RHEB: variants seen among roughly 807,000 people sequenced by gnomAD.
RHEB encodes the protein GTP-binding protein Rheb.
RHEB carries 2 observed loss-of-function variants against 28.8 expected under a neutral mutation model. The ratio of observed to expected loss-of-function variants is 0.07; its 90% CI spans 0.03 to 0.22. RHEB has a LOEUF of 0.22. Among genes scored for constraint, RHEB ranks in the 10% least tolerant of loss-of-function variants. The pLI is 1.00. For missense variants in RHEB, 76 were observed against 219.9 expected, an observed-to-expected ratio of 0.35 and a Z score of 4.14; for synonymous variants, 69 against 77.3, an observed-to-expected ratio of 0.89 and a Z score of 0.56.
At chr7:151,489,072 G>A (rs755882440) in intron 2 of RHEB, among the ~76,000 whole-genome samples, 7 of 152,072 alleles carry the variant, frequency 4.6e-5, no homozygotes, top group Non-Finnish European at 1.0e-4. Flanking sequence ...GAGACTACAG[G>A]CACACACCAT....
chr7:151,495,167 C>T (rs1397278744), intron 1 of RHEB, among the ~76,000 whole-genome samples: 1 of 152,158 alleles, frequency 6.6e-6, no homozygotes, highest in Non-Finnish European at 1.5e-5. Flanking sequence ...AACACTGTTA[C>T]TCGCTTGCTG....
At chr7:151,471,514 T>C (rs1430271503) in intron 5 of RHEB, 35 bp downstream of exon 5, 1 of 1,569,548 alleles carries the variant, frequency 6.4e-7, no homozygotes, top group East Asian at 2.2e-5. Flanking sequence ...TTAAAAGAAG[T>C]TTCTCTAACA....
chr7:151,477,678 G>A (rs995642346), intron 3 of RHEB, among the ~76,000 whole-genome samples: 125 of 152,260 alleles, frequency 8.2e-4, no homozygotes, highest in African/African-American at 2.8e-3. Flanking sequence ...GGGAGAAGAG[G>A]ATGGATGGAA....
intron 1 of RHEB, 148 bp downstream of exon 1, chr7:151,519,312 G>T: frequency 2.2e-6 from 1 of 448,192 alleles, no homozygotes; most frequent in Non-Finnish European, 3.3e-6. Flanking sequence ...CACCACCTCC[G>T]CTCAGAATGG....
chr7:151,503,014 A>T, intron 1 of RHEB: 1 of 783,600 alleles, frequency 1.3e-6, no homozygotes, highest in Non-Finnish European at 2.4e-6. Flanking sequence ...AAAAGAAATC[A>T]ATAGAACGAT....
intron 1 of RHEB, among the ~76,000 whole-genome samples, chr7:151,506,998 AC>A (rs1802893582): frequency 6.6e-6 from 1 of 152,244 alleles, no homozygotes; most frequent in Admixed American, 6.5e-5. Context: ...TGGAACTGGC[AC>A]ATCACCATCT....
At chr7:151,501,638 T>C (rs1419091706) in intron 1 of RHEB, among the ~76,000 whole-genome samples, 1 of 152,252 alleles carries the variant, frequency 6.6e-6, no homozygotes, top group Non-Finnish European at 1.5e-5. Flanking sequence ...CACAAAAACC[T>C]GTATTTGCAT....
chr7:151,519,241 G>A (rs1803137593), intron 1 of RHEB: 7 of 212,392 alleles, frequency 3.3e-5, no homozygotes, highest in Non-Finnish European at 6.3e-5. Flanking sequence ...TGCCCGCCCG[G>A]CCCGCGGAGG....
chr7:151,483,328 C>A (rs367612923), intron 3 of RHEB, among the ~76,000 whole-genome samples: 1 of 152,326 alleles, frequency 6.6e-6, no homozygotes, highest in Non-Finnish European at 1.5e-5. Flanking sequence ...GGGTCTACTC[C>A]AATTTCCCCA....
intron 1 of RHEB, among the ~76,000 whole-genome samples, chr7:151,504,731 T>C (rs1045591198): frequency 2.6e-5 from 4 of 151,994 alleles, no homozygotes; most frequent in Non-Finnish European, 2.9e-5. Context: ...GACAAAACTA[T>C]AGGATAAAAA....
Position 151,502,517 on chromosome 7 carries a change from G to A in RHEB, c.53-11503C>T, listed in dbSNP as rs1307046446. 56 of 975,996 alleles carry A rather than the reference G, an allele frequency of 5.7e-5. No individual in the cohort carries two copies. In the Admixed American group the frequency reaches 7.1e-4, roughly 12 times the overall value. 60.5% of individuals were successfully genotyped at this position (975,996 alleles called of 1,614,324 possible). A position where few individuals can be genotyped will look rare whatever the true frequency, so the allele number is the denominator to read the frequency against. ...AGAAGGAAAGGAAAAGAAAGTCAAC[G>A]TTGACTTTGAATCTTTCAAACCAAT... On this transcript the variant is annotated intron_variant, in intron 1 of 7. Coordinates refer to ENST00000262187, the MANE Select transcript of RHEB (RefSeq NM_005614.4).
At chr7:151,488,945 C>T (rs1563095592) in intron 2 of RHEB, among the ~76,000 whole-genome samples, 1 of 152,150 alleles carries the variant, frequency 6.6e-6, no homozygotes. Context: ...CCTTCCAACT[C>T]AGTTTTTACT....
At chr7:151,476,416 G>A (rs762528864) in intron 4 of RHEB, among the ~76,000 whole-genome samples, 3 of 152,176 alleles carry the variant, frequency 2.0e-5, no homozygotes, top group South Asian at 2.1e-4. Flanking sequence ...TTCTATCACC[G>A]CAGTAAGTTC....
chr7:151,505,907 C>T (rs541230461), intron 1 of RHEB, among the ~76,000 whole-genome samples: 2 of 152,038 alleles, frequency 1.3e-5, no homozygotes, highest in East Asian at 3.9e-4. Flanking sequence ...TTGTATGATT[C>T]GATGTATGTG....
At chr7:151,515,308 G>A (rs1484567452) in intron 1 of RHEB, among the ~76,000 whole-genome samples, 1 of 152,184 alleles carries the variant, frequency 6.6e-6, no homozygotes, top group Non-Finnish European at 1.5e-5. Context: ...CATAGAAACA[G>A]AAAGATTAGT....
At position 151,472,759 on chromosome 7, in the gene RHEB, G is replaced by A. The variant is rs1468738092; in HGVS notation, c.276-1154C>T. ...GTTCATGATTGCATCACAAGCTTCA[G>A]AATAAGTTAGCTTGTTGAATGAATT... On this transcript the variant is annotated intron_variant, in intron 4 of 7. Transcript: ENST00000262187. This position sits in a 1 kb window ranked among gnomAD's most constrained non-coding sequence, Gnocchi z 5.2. 6.6e-6 allele frequency among the ~76,000 whole-genome samples: 1 copy of A among 152,190 alleles called. No homozygotes were observed. The highest frequency in any genetic ancestry group is 1.9e-4 in the East Asian group (1 of 5,200).
chr7:151,505,813 T>C (rs1284974573), intron 1 of RHEB, among the ~76,000 whole-genome samples: 1 of 152,206 alleles, frequency 6.6e-6, no homozygotes, highest in African/African-American at 2.4e-5. Context: ...AATACCACTT[T>C]GCAATAAAAA....
At chr7:151,499,644 A>T (rs977296360) in intron 1 of RHEB, among the ~76,000 whole-genome samples, 1 of 152,216 alleles carries the variant, frequency 6.6e-6, no homozygotes, top group Non-Finnish European at 1.5e-5. Context: ...CCAAATTATG[A>T]TCAACACCTT....
In RHEB at chr7:151,467,680, C is replaced by T. The variant is rs930425370; in HGVS notation, c.463-469G>A. Among the ~76,000 whole-genome samples, 4 of 152,154 alleles carry T rather than the reference C, an allele frequency of 2.6e-5. No homozygotes were observed. The East Asian group carries it at 5.8e-4, about 22-fold the overall frequency. ...CACCCTCCGTGCTCCTGAGATGCCA[C>T]GATGCCAGCCTCCAACACCTCTGTG... On this transcript the variant is annotated intron_variant, in intron 7 of 7. Coordinates refer to ENST00000262187, the MANE Select transcript of RHEB (RefSeq NM_005614.4).
Sources: gnomAD v4.1 joint callset for allele counts (sites outside exome capture counted in the v4.1 genomes callset) on GRCh38, gnomAD v4.1.1 for gene constraint, Gnocchi (gnomAD v3.1) non-coding constraint, MANE v1.5 for transcripts, NCBI Gene and HGNC (gene_info 2026-07-23, HGNC 2026-07-21) for gene names.